The following SAXO1 variants were observed in gnomAD, a reference collection of about 807,000 sequenced individuals.
SAXO1 encodes 4930500O09Rik.
SAXO1 carries 21 observed loss-of-function variants against 17.5 expected under a neutral mutation model. The ratio of observed to expected loss-of-function variants is 1.20; its 90% CI spans 0.85 to 1.72. SAXO1 has a LOEUF of 1.72. SAXO1 is among the 40% of genes most tolerant of loss of function. The probability of loss-of-function intolerance (pLI) is 0.00; values close to 1 mark genes in which losing one functional copy is unlikely to be tolerated. For synonymous variants in SAXO1, 274 were observed against 216.5 expected (o/e 1.27, Z -2.33); for missense variants, 843 against 596.0 (o/e 1.41, Z -4.32).
intron 1 of SAXO1, among the ~76,000 whole-genome samples, chr9:18,965,228 T>C (rs1832667166): frequency 6.6e-6 from 1 of 152,218 alleles, no homozygotes. Flanking sequence ...AGAATGTATA[T>C]TCTGTTGATT....
intron 1 of SAXO1, among the ~76,000 whole-genome samples, chr9:18,979,514 G>C (rs542736956): frequency 6.6e-6 from 1 of 152,322 alleles, no homozygotes; most frequent in African/African-American, 2.4e-5. Flanking sequence ...GGGGGCACGT[G>C]GTGGGACAGT....
intron 1 of SAXO1, among the ~76,000 whole-genome samples, chr9:18,955,864 G>A (rs538230512): frequency 6.6e-5 from 10 of 151,834 alleles, no homozygotes; most frequent in Middle Eastern, 3.4e-3. Context: ...TGACTCTTCT[G>A]CTCAGAGTGT....
At chr9:18,964,900 T>C (rs921396062) in intron 1 of SAXO1, among the ~76,000 whole-genome samples, 4 of 152,222 alleles carry the variant, frequency 2.6e-5, no homozygotes, top group South Asian at 2.1e-4. Context: ...TTTGGTGCTA[T>C]AAATTTCCCT....
chr9:18,999,595 C>T (rs11496354), intron 1 of SAXO1, among the ~76,000 whole-genome samples: 3,383 of 127,146 alleles, frequency 0.027, 384 homozygotes, highest in Middle Eastern at 0.087. Flanking sequence ...AAGTGAGGAG[C>T]GCCTCTGCCT....
chr9:19,036,972 C>T (rs532516508), upstream of SAXO1, among the ~76,000 whole-genome samples: 9 of 152,306 alleles, frequency 5.9e-5, no homozygotes, highest in East Asian at 1.5e-3. Flanking sequence ...TGTCCAAGAC[C>T]ATGGGAATTC....
chr9:18,970,417 A>G (rs1317381687), intron 1 of SAXO1, among the ~76,000 whole-genome samples: 4 of 152,090 alleles, frequency 2.6e-5, no homozygotes, highest in Non-Finnish European at 5.9e-5. Context: ...GGCTAGGATC[A>G]CCCTCAACTG....
chr9:18,967,198 G>A (rs1321584723), intron 1 of SAXO1, among the ~76,000 whole-genome samples: 1 of 152,194 alleles, frequency 6.6e-6, no homozygotes, highest in Non-Finnish European at 1.5e-5. Context: ...GCTGGGAGGT[G>A]TCTCCCAGCC....
intron 1 of SAXO1, among the ~76,000 whole-genome samples, chr9:19,031,744 A>T (rs1206757305): frequency 6.6e-6 from 1 of 152,180 alleles, no homozygotes; most frequent in Admixed American, 6.5e-5. Context: ...GACAGTTGAC[A>T]GGGCCCACTC....
intron 1 of SAXO1, among the ~76,000 whole-genome samples, chr9:19,030,303 G>A (rs745722225): frequency 3.3e-5 from 5 of 152,138 alleles, no homozygotes; most frequent in Non-Finnish European, 4.4e-5. Flanking sequence ...GGTAATTTAG[G>A]ACCAGTTTCC....
chr9:18,977,518 A>C (rs563675785), intron 1 of SAXO1, among the ~76,000 whole-genome samples: 3 of 152,306 alleles, frequency 2.0e-5, no homozygotes, highest in African/African-American at 7.2e-5. Context: ...TATATAGCTG[A>C]TAAGGGGTGG....
intron 1 of SAXO1, among the ~76,000 whole-genome samples, chr9:19,007,302 G>A (rs1057358231): frequency 1.3e-5 from 2 of 151,898 alleles, no homozygotes; most frequent in African/African-American, 2.4e-5. Flanking sequence ...AGCTGAGATC[G>A]TGCCACTGCA....
At chr9:19,022,280 C>A (rs369329260) in intron 1 of SAXO1, among the ~76,000 whole-genome samples, 66 of 152,330 alleles carry the variant, frequency 4.3e-4, no homozygotes, top group African/African-American at 1.5e-3. Context: ...ATCTGAACAT[C>A]TGAAGGAACA....
intron 1 of SAXO1, among the ~76,000 whole-genome samples, chr9:18,989,965 T>A (rs1280999925): frequency 6.6e-6 from 1 of 152,192 alleles, no homozygotes; most frequent in Non-Finnish European, 1.5e-5. Flanking sequence ...CAAAAGGAGT[T>A]TCTTTACCTA....
intron 2 of SAXO1, among the ~76,000 whole-genome samples, chr9:18,950,446 T>C (rs1214233594): frequency 6.6e-6 from 1 of 152,118 alleles, no homozygotes; most frequent in African/African-American, 2.4e-5. Context: ...CATCCCCCAC[T>C]CTTTCCATCC....
chr9:18,979,434 G>A (rs1400996836), intron 1 of SAXO1, among the ~76,000 whole-genome samples: 1 of 152,248 alleles, frequency 6.6e-6, no homozygotes, highest in Non-Finnish European at 1.5e-5. Context: ...CCTCAGTCAT[G>A]ACTGGACAAT....
At chr9:18,958,970 C>T (rs1455887716) in intron 1 of SAXO1, among the ~76,000 whole-genome samples, 1 of 152,146 alleles carries the variant, frequency 6.6e-6, no homozygotes, top group African/African-American at 2.4e-5. Flanking sequence ...AAAACTCTGT[C>T]ACAGGGATCA....
intron 1 of SAXO1, among the ~76,000 whole-genome samples, chr9:18,968,770 T>A (rs946403745): frequency 3.9e-5 from 6 of 152,202 alleles, no homozygotes; most frequent in Admixed American, 3.9e-4. Context: ...ATTTTTGTAT[T>A]TTTAGTAGAG....
chr9:18,986,091 A>G (rs1238124592), intron 1 of SAXO1, among the ~76,000 whole-genome samples: 1 of 152,230 alleles, frequency 6.6e-6, no homozygotes, highest in East Asian at 1.9e-4. Flanking sequence ...CCTTAACTCA[A>G]AGAAATACTA....
chr9:18,948,604 G>C (rs1231355755), intron 2 of SAXO1, among the ~76,000 whole-genome samples: 1 of 152,170 alleles, frequency 6.6e-6, no homozygotes, highest in East Asian at 1.9e-4. Flanking sequence ...ACAGGTCAGA[G>C]GGTAAGTTTT....
Sources: allele counts gnomAD v4.1 joint callset (sites outside exome capture counted in the v4.1 genomes callset), GRCh38; gene constraint gnomAD v4.1.1; transcripts MANE v1.5; gene names NCBI Gene and HGNC (gene_info 2026-07-23, HGNC 2026-07-21).